CCDC102B: variants seen among roughly 807,000 people sequenced by gnomAD.
CCDC102B encodes coiled-coil domain-containing protein 102B.
A neutral mutation model predicts 57.4 loss-of-function variants in CCDC102B; 75 were observed. The ratio of observed to expected loss-of-function variants is 1.31; its 90% confidence interval spans 1.08 to 1.58. The LOEUF is 1.58. Among genes scored for constraint, CCDC102B ranks in the 40% most tolerant of loss-of-function variants. CCDC102B has a pLI of 0.00. For missense variants in CCDC102B, 636 were observed against 582.6 expected, an observed-to-expected ratio of 1.09 and a Z score of -0.94; for synonymous variants, 206 against 201.9, an observed-to-expected ratio of 1.02 and a Z score of -0.17.
chr18:68,793,203 A>G (rs544441192), upstream of CCDC102B, among the ~76,000 whole-genome samples: 9 of 152,316 alleles, frequency 5.9e-5, 1 homozygote, highest in South Asian at 1.9e-3. Context: ...TGGCTTCCTT[A>G]CAAAAAATTT....
At chr18:68,761,854 T>C (rs2034264109) in intron 2 of CCDC102B, among the ~76,000 whole-genome samples, 1 of 152,138 alleles carries the variant, frequency 6.6e-6, no homozygotes, top group Non-Finnish European at 1.5e-5. Context: ...AATCGTTATT[T>C]GTGCTTTCAT....
rs868836497 is a variant in CCDC102B, at chr18:68,715,321, C to T, written c.-174C>T. 59 of 1,099,310 alleles carry T rather than the reference C, an allele frequency of 5.4e-5. No homozygotes were observed. In the African/African-American group the frequency reaches 8.6e-4, roughly 16 times the overall value. The allele number at this position is 1,099,310 out of a possible 1,614,324, so 68.1% of individuals were successfully genotyped here. ...GGTGCTGGTTCACTGGGGCGCGTTTCCGGGAAGGTGAATACCGGTGAAAGT... is the reference window on the plus strand; with the variant it reads ...GGTGCTGGTTCACTGGGGCGCGTTTTCGGGAAGGTGAATACCGGTGAAAGT... On this transcript the variant is annotated 5_prime_UTR_variant, in exon 1 of 4. Transcript: ENST00000578970.
chr18:68,920,507 G>A (rs1050659820), intron 6 of CCDC102B, among the ~76,000 whole-genome samples: 1 of 152,062 alleles, frequency 6.6e-6, no homozygotes, highest in East Asian at 1.9e-4. Flanking sequence ...AGAAAAAGAC[G>A]TTTAATTGGA....
At chr18:68,962,903 CCTT>C (rs1473007448) in intron 6 of CCDC102B, among the ~76,000 whole-genome samples, 1 of 151,954 alleles carries the variant, frequency 6.6e-6, no homozygotes, top group Admixed American at 6.6e-5. Context: ...TTTCACGACT[CCTT>C]CTTTCCAATT....
chr18:68,818,312 A>C (rs6566386), intron 1 of CCDC102B, among the ~76,000 whole-genome samples: 65,607 of 151,948 alleles, frequency 0.43, 15,459 homozygotes, highest in East Asian at 0.86. Flanking sequence ...AGCTAATTGA[A>C]AGCTAGAAAT....
intron 5 of CCDC102B, among the ~76,000 whole-genome samples, chr18:68,880,204 G>A (rs1349217131): frequency 1.3e-5 from 2 of 152,172 alleles, no homozygotes; most frequent in South Asian, 2.1e-4. Flanking sequence ...CACTGCTGGG[G>A]GACCCAGTAC....
At chr18:68,995,111 C>A (rs2145337611) in intron 6 of CCDC102B, among the ~76,000 whole-genome samples, 1 of 152,280 alleles carries the variant, frequency 6.6e-6, no homozygotes, top group Non-Finnish European at 1.5e-5. Flanking sequence ...TATGCTTTAG[C>A]AAGGGGACTG....
At chr18:68,961,295 A>T (rs989375555) in intron 6 of CCDC102B, among the ~76,000 whole-genome samples, 1 of 151,992 alleles carries the variant, frequency 6.6e-6, no homozygotes, top group Non-Finnish European at 1.5e-5. Flanking sequence ...ATGAAAAGTG[A>T]TTTTTTATAC....
chr18:69,009,604 G>A (rs1052520307), intron 6 of CCDC102B, among the ~76,000 whole-genome samples: 1 of 151,864 alleles, frequency 6.6e-6, no homozygotes, highest in Non-Finnish European at 1.5e-5. Flanking sequence ...CTTCCCCTAC[G>A]TGATGACTAA....
intron 2 of CCDC102B, among the ~76,000 whole-genome samples, chr18:68,787,199 G>C (rs901798029): frequency 1.6e-4 from 24 of 150,812 alleles, no homozygotes; most frequent in African/African-American, 5.7e-4. Context: ...TGGTGGATAA[G>C]CTTTTTGATG....
At chr18:68,796,377 G>C (rs1391576965), upstream of CCDC102B, among the ~76,000 whole-genome samples, 2 of 152,114 alleles carry the variant, frequency 1.3e-5, no homozygotes, top group Admixed American at 6.6e-5. Flanking sequence ...TAACACAGCA[G>C]GTCCATGGAG....
At chr18:68,820,850 T>C (rs1262328983) in intron 1 of CCDC102B, among the ~76,000 whole-genome samples, 1 of 152,102 alleles carries the variant, frequency 6.6e-6, no homozygotes, top group African/African-American at 2.4e-5. Flanking sequence ...AGTAATCAAA[T>C]AATTTAAAAG....
At chr18:69,002,524 G>T (rs1040497775) in intron 6 of CCDC102B, among the ~76,000 whole-genome samples, 4 of 152,138 alleles carry the variant, frequency 2.6e-5, no homozygotes, top group African/African-American at 9.7e-5. Flanking sequence ...TCCTTGGCAA[G>T]GTTACTGAAC....
Position 68,840,486 on chromosome 18 carries a change from C to T in CCDC102B, c.827+1560C>T, listed in dbSNP as rs185550256. ...TAGTAGATTGTGATCATACAAGTAT[C>T]TATGTACAGAATAAATATTTATTAC... On this transcript the variant is annotated intron_variant, in intron 3 of 7. Coordinates refer to ENST00000360242, the MANE Select transcript of CCDC102B (RefSeq NM_024781.3). 3.1e-3 allele frequency among the ~76,000 whole-genome samples: 466 copies of T among 152,176 alleles called. 2 individuals are homozygous for T. Among genetic ancestry groups the T allele is most frequent in the South Asian group, 5.0e-3 (24 of 4,826 alleles).
chr18:68,797,708 G>A (rs1428715858), upstream of CCDC102B, among the ~76,000 whole-genome samples: 1 of 148,002 alleles, frequency 6.8e-6, no homozygotes. Context: ...TTCCTGTAAT[G>A]TGCAGTATAA....
At chr18:68,736,919 A>G (rs911985879) in intron 2 of CCDC102B, among the ~76,000 whole-genome samples, 3 of 151,902 alleles carry the variant, frequency 2.0e-5, no homozygotes, top group Non-Finnish European at 4.4e-5. Flanking sequence ...CTAGTGTGCA[A>G]ACAATCGTAT....
At position 68,741,711 on chromosome 18, in the gene CCDC102B, A is replaced by ACC. The variant is rs1318926602; in HGVS notation, c.-67+25118_-67+25119insCC. Among the ~76,000 whole-genome samples, 483 of 79,334 alleles carry ACC rather than the reference A, an allele frequency of 6.1e-3. 6 individuals are homozygous for ACC. The highest frequency in any genetic ancestry group is 0.022 in the African/African-American group (457 of 20,568). 52.0% of individuals were successfully genotyped at this position (79,334 alleles called of 152,430 possible). The stretch of plus-strand genomic sequence containing the variant: ...CACACACACACACACACACACACAC[A>ACC]CACCCCAAGACAATATAGAAAGGTT... On this transcript the variant is annotated intron_variant, in intron 2 of 3. Transcript: ENST00000578970.
At chr18:68,794,581 A>C (rs931282364), upstream of CCDC102B, among the ~76,000 whole-genome samples, 5 of 152,240 alleles carry the variant, frequency 3.3e-5, no homozygotes, top group South Asian at 1.0e-3. Context: ...CACTAAAAAA[A>C]AATAGCCTTC....
At chr18:68,820,161 A>G (rs147218079) in intron 1 of CCDC102B, among the ~76,000 whole-genome samples, 1 of 152,232 alleles carries the variant, frequency 6.6e-6, no homozygotes, top group Non-Finnish European at 1.5e-5. Flanking sequence ...AAAGCTATCA[A>G]TAATTCAAAA....
Sources: gnomAD v4.1 joint callset for allele counts (sites outside exome capture counted in the v4.1 genomes callset) on GRCh38, gnomAD v4.1.1 for gene constraint, MANE v1.5 for transcripts, NCBI Gene and HGNC (gene_info 2026-07-23, HGNC 2026-07-21) for gene names.